SREBF2: variants seen among roughly 807,000 people sequenced by gnomAD.
SREBF2 encodes sterol regulatory element-binding protein 2.
SREBF2 carries 55 observed loss-of-function variants against 113.1 expected under a neutral mutation model. That is an observed-to-expected ratio of 0.49 (90% confidence interval 0.39 to 0.61). The LOEUF is 0.61. Ranked by LOEUF, SREBF2 falls within the 20% of genes least tolerant of loss-of-function variation. The probability of loss-of-function intolerance (pLI) is 0.00; values close to 1 mark genes in which losing one functional copy is unlikely to be tolerated. For synonymous variants in SREBF2, 593 were observed against 605.7 expected (o/e 0.98, Z 0.31); for missense variants, 1,349 against 1,487.4 (o/e 0.91, Z 1.53).
In SREBF2 at chr22:41,898,770, G is replaced by A; in HGVS notation, c.2727G>A (p.Leu909=). ...AAGTGGAACGCATCCCCAAGGCCCT[G>A]GAAGTGACAGAGTGCGTAACCCTCC... is the stretch of plus-strand genomic sequence containing the variant. ...FTKVERIPKA[L]EVTESPLVKA... The change falls in exon 15 of 19, where the codon CTG becomes CTA. Residue 909 remains leucine (L), a synonymous_variant. Transcript: ENST00000361204. 1.2e-6 allele frequency: 2 copies of A among 1,614,060 alleles called. No individual in the cohort carries two copies. Among genetic ancestry groups the A allele is most frequent in the Non-Finnish European group, 1.7e-6 (2 of 1,179,990 alleles).
chr22:41,884,232 C>T (rs1306915741), intron 10 of SREBF2, among the ~76,000 whole-genome samples: 2 of 152,132 alleles, frequency 1.3e-5, no homozygotes, highest in African/African-American at 4.8e-5. Flanking sequence ...GCATCGCAGG[C>T]TCAAGCAATT....
At chr22:41,835,827 G>A (rs2076769190) in intron 1 of SREBF2, among the ~76,000 whole-genome samples, 1 of 152,070 alleles carries the variant, frequency 6.6e-6, no homozygotes, top group African/African-American at 2.4e-5. Context: ...GTCTCACTGT[G>A]TTGCCCAGGC....
intron 1 of SREBF2, among the ~76,000 whole-genome samples, chr22:41,840,210 G>A (rs576198793): frequency 6.6e-6 from 1 of 152,006 alleles, no homozygotes; most frequent in South Asian, 2.1e-4. Flanking sequence ...CACCCGACTC[G>A]GTCTCCCAAA....
In SREBF2 at chr22:41,866,935, GGCAGCAGTGGCAGCAGCAGCAGCA is replaced by G. The variant is rs2148376385; in HGVS notation, c.200_223del (p.Ser67_Ser74del). On this transcript the variant is annotated inframe_deletion, in exon 2 of 19. Transcript: ENST00000361204. ...CAGTGGTGGTAGTGGTAGCAGCAGC[GGCAGCAGTGGCAGCAGCAGCAGCA>G]GCAGCAATGGCAGGGGCAGCAGCAG... The G allele has an allele frequency of 4.3e-6, 7 of 1,613,172 alleles. No homozygotes were observed. Among genetic ancestry groups the G allele is most frequent in the Middle Eastern group, 1.7e-4 (1 of 6,060 alleles).
chr22:41,886,047 C>T (rs1370649835), intron 11 of SREBF2: 2 of 152,188 alleles, frequency 1.3e-5, no homozygotes, highest in African/African-American at 4.8e-5. Flanking sequence ...TATGACTGAG[C>T]ACCGTCTCTA....
At chr22:41,877,092 C>G in intron 7 of SREBF2, 137 bp from the exon 8 acceptor site, 1 of 834,788 alleles carries the variant, frequency 1.2e-6, no homozygotes, top group East Asian at 2.7e-5. Flanking sequence ...CTTCTCAGTT[C>G]CCATCTGGCC....
At chr22:41,888,212 A>G (rs1481338243) in intron 11 of SREBF2, among the ~76,000 whole-genome samples, 13 of 152,134 alleles carry the variant, frequency 8.5e-5, no homozygotes, top group Admixed American at 8.5e-4. Flanking sequence ...TCTTTGTCCT[A>G]CCTCAAAGTC....
intron 1 of SREBF2, among the ~76,000 whole-genome samples, chr22:41,856,739 G>A (rs2076980877): frequency 6.6e-6 from 1 of 152,136 alleles, no homozygotes; most frequent in African/African-American, 2.4e-5. Flanking sequence ...GAACAGAAGG[G>A]AGCAGTTCAT....
chr22:41,877,871 G>A (rs2077211137), intron 8 of SREBF2, 71 bp from the exon 9 acceptor site: 3 of 1,499,544 alleles, frequency 2.0e-6, no homozygotes, highest in East Asian at 2.3e-5. Context: ...TGATAGTGCT[G>A]GGGTCTGTCA....
Position 41,903,099 on chromosome 22 carries a change from CGG to C in SREBF2, c.3039_3040del (p.Asp1014ProfsTer22). ...ASGAELAGFQ[R>X]DLGSLRRLAH... ...AGGCGCTGAACTGGCGGGCTTCCAA[CGG>C]GACCTGGGCAGCCTGCGCAGGCTGG... is the stretch of plus-strand genomic sequence containing the variant. On this transcript the variant is annotated frameshift_variant, in exon 17 of 19. Transcript: ENST00000361204. LOFTEE classifies it high-confidence loss of function. 1.3e-6 allele frequency: 2 copies of C among 1,574,956 alleles called. No individual in the cohort carries two copies. Among genetic ancestry groups the C allele is most frequent in the Non-Finnish European group, 1.7e-6 (2 of 1,160,354 alleles).
intron 15 of SREBF2, among the ~76,000 whole-genome samples, chr22:41,899,829 C>T (rs2077449526): frequency 6.6e-6 from 1 of 152,162 alleles, no homozygotes; most frequent in African/African-American, 2.4e-5. Flanking sequence ...TTCACTTACC[C>T]CTGGGTCCCT....
In SREBF2 at chr22:41,887,586, T is replaced by TTA. The variant is rs1368570801; in HGVS notation, c.2208+2578_2208+2579dup. 2.0e-5 allele frequency among the ~76,000 whole-genome samples: 3 copies of TTA among 152,244 alleles called. 1 individual carries two copies. Among genetic ancestry groups the TTA allele is most frequent in the Non-Finnish European group, 4.4e-5 (3 of 68,042 alleles). On this transcript the variant is annotated intron_variant, in intron 11 of 18. Coordinates refer to ENST00000361204, the MANE Select transcript of SREBF2 (RefSeq NM_004599.4). ...AATTATAGATTGTTCGTTCTCATAT[T>TTA]TATAGTGTTCCATTGTATGACTAGA...
intron 1 of SREBF2, among the ~76,000 whole-genome samples, chr22:41,856,856 C>T (rs2148361787): frequency 6.6e-6 from 1 of 152,176 alleles, no homozygotes; most frequent in East Asian, 1.9e-4. Context: ...AGGTGGATCA[C>T]CTAAGGTCAG....
chr22:41,875,598 G>A lies in SREBF2; in HGVS notation c.1260G>A (p.Lys420=), dbSNP rs1482356183. ...GSLVDNEVDL[K]IEDFNQNVLL... The stretch of plus-strand genomic sequence containing the variant: ...TGGTGGACAATGAGGTGGACCTGAA[G>A]ATCGAGGACTTTAATCAGAATGTCC... The change falls in exon 7 of 19, where the codon AAG becomes AAA. Residue 420 remains lysine (K), a synonymous_variant. Coordinates refer to ENST00000361204, the MANE Select transcript of SREBF2 (RefSeq NM_004599.4). 6.2e-7 allele frequency: 1 copy of A among 1,614,260 alleles called. No individual in the cohort carries two copies. The highest frequency in any genetic ancestry group is 8.5e-7 in the Non-Finnish European group (1 of 1,180,050).
chr22:41,881,044 C>G, intron 10 of SREBF2, 52 bp downstream of exon 10: 1 of 1,589,566 alleles, frequency 6.3e-7, no homozygotes, highest in Middle Eastern at 2.3e-4. Flanking sequence ...CTCATGCTAC[C>G]TCTCCTCCTT....
Position 41,905,590 on chromosome 22 carries a change from G to A in SREBF2, c.3356G>A (p.Arg1119Gln), listed in dbSNP as rs773886104. The change falls in exon 19 of 19, where the codon CGG (arginine) becomes CAG (glutamine). Residue 1119 changes from arginine (R) to glutamine (Q), a missense_variant. Arg to Gln is a conservative substitution (Grantham distance 43, BLOSUM62 1). This residue lies in a region of SREBF2 where 650 missense variants were observed against 644.1 expected (regional missense o/e 1.01). Coordinates refer to ENST00000361204, the MANE Select transcript of SREBF2 (RefSeq NM_004599.4). ...CGCACCCTGGAGAAGGTGGGCGACC[G>A]GCGCTCCTGCAACGACTGCCAGCAG... ...AARTLEKVGD[R>Q]RSCNDCQQMI... 29 of 1,599,152 alleles carry A rather than the reference G, an allele frequency of 1.8e-5. No homozygotes were observed. Among genetic ancestry groups the A allele is most frequent in the Middle Eastern group, 1.7e-4 (1 of 6,050 alleles).
At chr22:41,863,086 A>G (rs2077041043) in intron 1 of SREBF2, among the ~76,000 whole-genome samples, 1 of 152,032 alleles carries the variant, frequency 6.6e-6, no homozygotes. Flanking sequence ...GTGCTCTGGA[A>G]GTACCGCCAA....
chr22:41,868,493 C>T, intron 2 of SREBF2, 118 bp from the exon 3 acceptor site: 1 of 1,166,784 alleles, frequency 8.6e-7, no homozygotes, highest in Non-Finnish European at 1.3e-6. Context: ...ACATCATCTT[C>T]AGCAGTAGGT....
intron 16 of SREBF2, 43 bp downstream of exon 16, chr22:41,900,541 C>G: frequency 6.3e-7 from 1 of 1,596,376 alleles, no homozygotes; most frequent in Non-Finnish European, 8.6e-7. Context: ...GTGCTCTGCA[C>G]TGGTTTACGA....
Sources: gnomAD v4.1 joint callset for allele counts (sites outside exome capture counted in the v4.1 genomes callset) on GRCh38, gnomAD v4.1.1 for gene constraint, gnomAD v4.1.1 regional missense constraint, MANE v1.5 for transcripts, NCBI Gene and HGNC (gene_info 2026-07-23, HGNC 2026-07-21) for gene names.